IMPG2: variants seen among roughly 807,000 people sequenced by gnomAD.
IMPG2 encodes IPM 200.
Under a neutral mutation model 129.2 loss-of-function variants are expected in IMPG2, and 91 were observed. The observed-to-expected ratio is 0.70, with a 90% CI of 0.59 to 0.84. IMPG2 has a LOEUF of 0.84. Among genes scored for constraint, IMPG2 ranks in the 40% least tolerant of loss-of-function variants. The pLI is 0.00. For synonymous variants in IMPG2, 510 were observed against 517.7 expected, an observed-to-expected ratio of 0.99 and a Z score of 0.20; for missense variants, 1,430 against 1,461.7, an observed-to-expected ratio of 0.98 and a Z score of 0.35.
chr3:101,268,348 A>G (rs1210118409), intron 8 of IMPG2, among the ~76,000 whole-genome samples: 4 of 152,174 alleles, frequency 2.6e-5, no homozygotes, highest in Non-Finnish European at 5.9e-5. Context: ...TCACATTCTC[A>G]GGTTCTCATC....
chr3:101,243,148 G>C lies in IMPG2; in HGVS notation c.2803-241C>G, dbSNP rs532857058. Among the ~76,000 whole-genome samples, 7 of 152,274 alleles carry C rather than the reference G, an allele frequency of 4.6e-5. No homozygotes were observed. The South Asian group carries it at 1.5e-3, about 32-fold the overall frequency. On this transcript the variant is annotated intron_variant, in intron 13 of 18. Coordinates refer to ENST00000193391, the MANE Select transcript of IMPG2 (RefSeq NM_016247.4). ...AGGAACCCCATGGAATTCATACATA[G>C]TTTTAGACACTCAGAGAGTTTATTC...
intron 3 of IMPG2, among the ~76,000 whole-genome samples, chr3:101,293,568 C>T (rs1707045062): frequency 6.6e-6 from 1 of 152,080 alleles, no homozygotes; most frequent in Admixed American, 6.6e-5. Context: ...ATAAGTATTG[C>T]CTTCTAATTT....
intron 2 of IMPG2, among the ~76,000 whole-genome samples, chr3:101,316,073 A>C (rs1210344458): frequency 2.6e-5 from 4 of 152,112 alleles, no homozygotes; most frequent in Non-Finnish European, 4.4e-5. Context: ...ATGCATATAA[A>C]AATATTAACT....
chr3:101,224,637 A>C lies in IMPG2; in HGVS notation c.*2332T>G, dbSNP rs144532789. The C allele has an allele frequency of 1.3e-5, 2 of 152,274 alleles. No homozygotes were observed. The highest frequency in any genetic ancestry group is 2.9e-5 in the Non-Finnish European group (2 of 68,012). 9.4% of individuals were successfully genotyped at this position (152,274 alleles called of 1,614,324 possible). ...GCTCCTTTAGTGCTTTGCTTTGTACATGAGTGGATGGATCTTTGCTGGGCA... is the reference window on the plus strand; with the variant it reads ...GCTCCTTTAGTGCTTTGCTTTGTACCTGAGTGGATGGATCTTTGCTGGGCA... On this transcript the variant is annotated 3_prime_UTR_variant, in exon 19 of 19. Transcript: ENST00000193391.
chr3:101,282,150 C>G (rs1192309762), intron 4 of IMPG2, among the ~76,000 whole-genome samples: 1 of 152,146 alleles, frequency 6.6e-6, no homozygotes, highest in East Asian at 1.9e-4. Context: ...TGACACATGT[C>G]ATCCCAAAGA....
At position 101,242,633 on chromosome 3, in the gene IMPG2, A is replaced by G. The variant is rs1706421737; in HGVS notation, c.3022+55T>C. 8 of 1,308,732 alleles carry G rather than the reference A, an allele frequency of 6.1e-6. No homozygotes were observed. The Admixed American group carries it at 1.3e-4, about 22-fold the overall frequency. The allele number at this position is 1,308,732 out of a possible 1,614,324, so 81.1% of individuals were successfully genotyped here. On this transcript the variant is annotated intron_variant, in intron 14 of 18. Coordinates refer to ENST00000193391, the MANE Select transcript of IMPG2 (RefSeq NM_016247.4). ...CTTAATGCAATGAGGAAGAAAACAC[A>G]CAAGAATAATCACTGGATTCTACTA...
chr3:101,289,550 T>C (rs990091731), intron 4 of IMPG2, among the ~76,000 whole-genome samples: 6 of 152,120 alleles, frequency 3.9e-5, no homozygotes, highest in African/African-American at 7.2e-5. Flanking sequence ...GGAAATATAA[T>C]GGCTCAAGGG....
Position 101,223,727 on chromosome 3 carries a change from G to T in IMPG2, c.*3242C>A, listed in dbSNP as rs1257874084. ...TTACAATTTAGTGTGGCAAAAAAGAGAGAAAAGAATAAAAAAGAGAAAGTG... is the reference window on the plus strand; with the variant it reads ...TTACAATTTAGTGTGGCAAAAAAGATAGAAAAGAATAAAAAAGAGAAAGTG... On this transcript the variant is annotated 3_prime_UTR_variant, in exon 19 of 19. Transcript: ENST00000193391. 1 of 152,188 alleles carries T rather than the reference G, an allele frequency of 6.6e-6. No homozygotes were observed. The highest frequency in any genetic ancestry group is 1.5e-5 in the Non-Finnish European group (1 of 68,032). 9.4% of individuals were successfully genotyped at this position (152,188 alleles called of 1,614,324 possible).
intron 18 of IMPG2, 28 bp downstream of exon 18, chr3:101,228,769 G>A (rs778012860): frequency 1.1e-5 from 18 of 1,570,966 alleles, no homozygotes; most frequent in African/African-American, 4.0e-5. Context: ...TCTGTAGGTC[G>A]GGGTGGGGGG....
chr3:101,240,186 T>C (rs1233392364), intron 14 of IMPG2, among the ~76,000 whole-genome samples: 4 of 152,106 alleles, frequency 2.6e-5, no homozygotes, highest in Non-Finnish European at 4.4e-5. Flanking sequence ...CGTGTGATCA[T>C]AGCGCATTGT....
intron 11 of IMPG2, among the ~76,000 whole-genome samples, chr3:101,250,322 T>A (rs148525229): frequency 7.2e-5 from 11 of 152,136 alleles, no homozygotes; most frequent in African/African-American, 2.7e-4. Context: ...GTCCAGAAAG[T>A]GAAAGGCAAA....
rs78271060 is a variant in IMPG2 at position 101,268,312 on chromosome 3, C to T, written c.888-781G>A. ...AGACTGTGTTGCCCTTCATGTGCTG[C>T]CAAATAAGGGAGGTCTTCAAAGGCC... is the stretch of plus-strand genomic sequence containing the variant. On this transcript the variant is annotated intron_variant, in intron 8 of 18. Transcript: ENST00000193391. 8.5e-3 allele frequency among the ~76,000 whole-genome samples: 1,295 copies of T among 152,206 alleles called. 21 individuals are homozygous for T. Among genetic ancestry groups the T allele is most frequent in the African/African-American group, 0.03 (1,243 of 41,512 alleles).
At chr3:101,252,087 A>G (rs561522257) in intron 11 of IMPG2, among the ~76,000 whole-genome samples, 43 of 152,216 alleles carry the variant, frequency 2.8e-4, no homozygotes, top group African/African-American at 8.4e-4. Context: ...ACGTAAATGA[A>G]CAAGTGAGCC....
intron 2 of IMPG2, among the ~76,000 whole-genome samples, chr3:101,304,743 T>A (rs1312664151): frequency 6.6e-6 from 1 of 152,044 alleles, no homozygotes; most frequent in Non-Finnish European, 1.5e-5. Context: ...CTTTTCATGA[T>A]CACTGGGGAA....
chr3:101,306,423 T>C, intron 2 of IMPG2, among the ~76,000 whole-genome samples: 1 of 152,206 alleles, frequency 6.6e-6, no homozygotes, highest in Non-Finnish European at 1.5e-5. Flanking sequence ...ACTACCTGTA[T>C]CCTTATTATT....
chr3:101,255,129 A>G (rs1453475116), intron 10 of IMPG2, among the ~76,000 whole-genome samples: 1 of 152,022 alleles, frequency 6.6e-6, no homozygotes, highest in Non-Finnish European at 1.5e-5. Flanking sequence ...ACCAAGCCTC[A>G]GGTTATTTAT....
At chr3:101,247,405 C>T (rs1576749790) in intron 11 of IMPG2, among the ~76,000 whole-genome samples, 1 of 152,086 alleles carries the variant, frequency 6.6e-6, no homozygotes, top group Non-Finnish European at 1.5e-5. Context: ...CGAGGCCAGC[C>T]TGATCAACAT....
chr3:101,306,327 T>C (rs542291176), intron 2 of IMPG2, among the ~76,000 whole-genome samples: 27 of 152,328 alleles, frequency 1.8e-4, no homozygotes, highest in African/African-American at 6.5e-4. Context: ...GATTATGAAA[T>C]GTATGAGTAT....
At chr3:101,257,915 G>A (rs960364552) in intron 9 of IMPG2, 142 bp from the exon 10 acceptor site, 2 of 925,850 alleles carry the variant, frequency 2.2e-6, no homozygotes, top group Non-Finnish European at 3.3e-6. Context: ...TGAAAAGCCT[G>A]GACAACATTT....
Sources: allele counts gnomAD v4.1 joint callset (sites outside exome capture counted in the v4.1 genomes callset), GRCh38; gene constraint gnomAD v4.1.1; transcripts MANE v1.5; gene names NCBI Gene and HGNC (gene_info 2026-07-23, HGNC 2026-07-21).